EPRS1: variants seen among roughly 807,000 people sequenced by gnomAD.
EPRS1 encodes the protein bifunctional glutamate/proline--tRNA ligase.
In EPRS1, 107 loss-of-function variants were observed where a neutral mutation model predicts 188.3. The observed-to-expected ratio is 0.57, with a 90% CI of 0.49 to 0.67. EPRS1 has a LOEUF of 0.67. EPRS1 is among the 30% of genes least tolerant of loss of function. The pLI, the probability that EPRS1 is intolerant of heterozygous loss-of-function variation, is 0.00. For missense variants in EPRS1, 1,577 were observed against 1,802.2 expected, an observed-to-expected ratio of 0.88 and a Z score of 2.26; for synonymous variants, 596 against 593.1, an observed-to-expected ratio of 1.00 and a Z score of -0.07.
intron 6 of EPRS1, 89 bp from the exon 7 acceptor site, chr1:220,025,347 C>A: frequency 1.1e-6 from 1 of 934,174 alleles, no homozygotes; most frequent in Admixed American, 3.5e-5. Flanking sequence ...GAGAACTAAA[C>A]AAAAGTCCTT....
chr1:219,984,071 T>C, intron 21 of EPRS1, 135 bp downstream of exon 21: 2 of 654,030 alleles, frequency 3.1e-6, no homozygotes, highest in Non-Finnish European at 5.5e-6. Context: ...TCATGTTAAA[T>C]GACTACACTG....
chr1:220,025,210 G>C lies in EPRS1; in HGVS notation c.672C>G (p.Tyr224Ter), dbSNP rs1254327666. Residue 224 changes from tyrosine to a stop codon, truncating the protein, a stop_gained, in exon 7 of 32, where the codon TAC becomes TAG. Transcript: ENST00000366923. LOFTEE classifies it high-confidence loss of function. ...TCAGTTTCCCTTTAAAGTTAACCTG[G>C]TAGTGCTGGTTCAGAAGAGCAGCTT... Reference protein sequence around the residue: ...HAKAALLNQHYQVNFKGKLIM... With the variant: ...HAKAALLNQH 6.2e-7 allele frequency: 1 copy of C among 1,611,128 alleles called. No individual in the cohort carries two copies. Among genetic ancestry groups the C allele is most frequent in the South Asian group, 1.1e-5 (1 of 90,888 alleles).
At chr1:220,017,581 C>A (rs1403439298) in intron 12 of EPRS1, among the ~76,000 whole-genome samples, 3 of 152,098 alleles carry the variant, frequency 2.0e-5, no homozygotes, top group African/African-American at 4.8e-5. Context: ...AAGACACATG[C>A]GAAACAAGCA....
chr1:220,016,240 A>T (rs763430917), intron 12 of EPRS1, among the ~76,000 whole-genome samples: 1 of 151,666 alleles, frequency 6.6e-6, no homozygotes, highest in Non-Finnish European at 1.5e-5. Context: ...GCTACTCGGG[A>T]GGCTAAGGCA....
Position 219,983,233 on chromosome 1 carries a change from C to T in EPRS1, c.3256G>A (p.Ala1086Thr). The part of the protein sequence containing the change: ...CYFPMFVSQS[A>T]LEKEKTHVAD... Reference sequence around the variant, plus strand: ...ACATGAGTCTTCTCTTTCTCTAATGCACTTTGAGACACAAACATGGGGAAG... The same window carrying T: ...ACATGAGTCTTCTCTTTCTCTAATGTACTTTGAGACACAAACATGGGGAAG... Residue 1086 changes from alanine (A) to threonine (T), a missense_variant, in exon 22 of 32, where the codon GCA becomes ACA. Transcript: ENST00000366923. The T allele has an allele frequency of 6.2e-6, 10 of 1,614,086 alleles. No individual in the cohort carries two copies. The highest frequency in any genetic ancestry group is 8.5e-6 in the Non-Finnish European group (10 of 1,179,962).
intron 28 of EPRS1, among the ~76,000 whole-genome samples, chr1:219,976,339 A>G (rs1660779708): frequency 6.6e-6 from 1 of 152,214 alleles, no homozygotes. Context: ...TAATAACTAC[A>G]TGCAACACAT....
chr1:219,987,437 C>T (rs756520316), intron 19 of EPRS1, 33 bp from the exon 20 acceptor site: 8 of 1,536,094 alleles, frequency 5.2e-6, no homozygotes, highest in Middle Eastern at 1.8e-4. Context: ...AAAGAGAAGA[C>T]AGTATTTAAC....
chr1:219,997,300 T>C lies in EPRS1; in HGVS notation c.2224A>G (p.Asn742Asp). 6.2e-7 allele frequency: 1 copy of C among 1,612,164 alleles called. No homozygotes were observed. ...GAATCCTCAGATGTAGTACAATTAT[T>C]ATTCAGAGAAGGTGTTGGTCTTTCC... ...FKERPTPSLN[N>D]NCTTSEDSLV... is the part of the protein sequence containing the mutation. The change falls in exon 18 of 32, where the codon AAT becomes GAT. Residue 742 changes from asparagine to aspartate, a missense_variant. By Grantham distance (23) the Asn-to-Asp change is conservative (BLOSUM62 1). Coordinates refer to ENST00000366923, the MANE Select transcript of EPRS1 (RefSeq NM_004446.3).
chr1:219,977,750 G>A (rs1025240424), intron 28 of EPRS1, among the ~76,000 whole-genome samples: 3 of 152,140 alleles, frequency 2.0e-5, no homozygotes, highest in Non-Finnish European at 4.4e-5. Context: ...CAGGGGCAAT[G>A]TGAAACAAAT....
At chr1:220,027,205 A>T (rs1251068237) in intron 6 of EPRS1, among the ~76,000 whole-genome samples, 1 of 152,044 alleles carries the variant, frequency 6.6e-6, no homozygotes, top group Non-Finnish European at 1.5e-5. Context: ...CAGGTGGATC[A>T]CGAGGTCAGG....
chr1:219,973,402 TAA>T lies in EPRS1; in HGVS notation c.4084-6_4084-5del, dbSNP rs1660707110. The T allele has an allele frequency of 6.2e-7, 1 of 1,600,594 alleles. No individual in the cohort carries two copies. The highest frequency in any genetic ancestry group is 1.7e-5 in the Admixed American group (1 of 58,534). ...CTTCAAGTCTAATGGGAACTCCCTA[TAA>T]GATAAAAAAGGCAGTTAAAATGATA... On this transcript the variant is annotated splice_polypyrimidine_tract_variant and splice_region_variant and intron_variant, in intron 28 of 31. Coordinates refer to ENST00000366923, the MANE Select transcript of EPRS1 (RefSeq NM_004446.3).
Position 220,046,469 on chromosome 1 carries a change from G to A in EPRS1, c.-81C>T. 1 of 1,577,702 alleles carries A rather than the reference G, an allele frequency of 6.3e-7. No individual in the cohort carries two copies. Among genetic ancestry groups the A allele is most frequent in the Non-Finnish European group, 8.6e-7 (1 of 1,163,342 alleles). ...GAGGACCCCGCGAAAGGAAGAAGAT[G>A]CAACGTGTGCGCGTACCCGACGCCG... On this transcript the variant is annotated 5_prime_UTR_variant, in exon 1 of 32. Coordinates refer to ENST00000366923, the MANE Select transcript of EPRS1 (RefSeq NM_004446.3).
intron 30 of EPRS1, among the ~76,000 whole-genome samples, chr1:219,970,917 T>C (rs1026879933): frequency 6.6e-6 from 1 of 152,196 alleles, no homozygotes; most frequent in African/African-American, 2.4e-5. Context: ...GATTTTGATA[T>C]TATCTATTTT....
chr1:220,002,033 GA>G (rs554209692), intron 16 of EPRS1, among the ~76,000 whole-genome samples: 36 of 135,338 alleles, frequency 2.7e-4, no homozygotes, highest in Admixed American at 5.2e-4. Context: ...TGTCTCCAAA[GA>G]AAAAAAAAAA....
intron 9 of EPRS1, among the ~76,000 whole-genome samples, chr1:220,021,316 G>A (rs1661874227): frequency 6.6e-6 from 1 of 151,910 alleles, no homozygotes; most frequent in Admixed American, 6.6e-5. Flanking sequence ...AGTCTTCCAA[G>A]CAGCTAGAAC....
At chr1:220,034,458 G>C (rs1662139807) in intron 3 of EPRS1, among the ~76,000 whole-genome samples, 1 of 151,198 alleles carries the variant, frequency 6.6e-6, no homozygotes, top group South Asian at 2.1e-4. Flanking sequence ...GCACATGATT[G>C]TATATAAAGC....
Position 220,001,215 on chromosome 1 carries a change from T to C in EPRS1, c.2104A>G (p.Ile702Val). 1.2e-6 allele frequency: 2 copies of C among 1,614,020 alleles called. No homozygotes were observed. Among genetic ancestry groups the C allele is most frequent in the Admixed American group, 1.7e-5 (1 of 60,024 alleles). ...CKEAPCVLIY[I>V]PDGHTKEMPT... ...ATTTCCTTTGTGTGCCCATCAGGAATGTATATCAAAACACACGGGGCTTCC... is the reference window on the plus strand; with the variant it reads ...ATTTCCTTTGTGTGCCCATCAGGAACGTATATCAAAACACACGGGGCTTCC... Residue 702 changes from isoleucine (I) to valine (V), a missense_variant, in exon 17 of 32, where the codon ATT (isoleucine) becomes GTT (valine). Ile to Val is a conservative substitution (Grantham distance 29). Transcript: ENST00000366923.
At chr1:220,006,415 T>C in intron 14 of EPRS1, 102 bp from the exon 15 acceptor site, 1 of 339,076 alleles carries the variant, frequency 2.9e-6, no homozygotes, top group Admixed American at 4.9e-5. Flanking sequence ...AAATAATTTA[T>C]TGTTTTATTT....
rs1392490515 is a variant in EPRS1, at chr1:220,005,494, GAC to G, written c.1951-136_1951-135del. ...TATGTTAAAAAGTTCACTACTTGAG[GAC>G]ACACAATGAAACGGTGAAGTGTTAA... On this transcript the variant is annotated intron_variant, in intron 15 of 31. Coordinates refer to ENST00000366923, the MANE Select transcript of EPRS1 (RefSeq NM_004446.3). 8.1e-6 allele frequency: 4 copies of G among 495,234 alleles called. No individual in the cohort carries two copies. The Admixed American group carries it at 1.6e-4, about 20-fold the overall frequency. 30.7% of individuals were successfully genotyped at this position (495,234 alleles called of 1,614,324 possible).
Sources: gnomAD v4.1 joint callset for allele counts (sites outside exome capture counted in the v4.1 genomes callset) on GRCh38, gnomAD v4.1.1 for gene constraint, MANE v1.5 for transcripts, NCBI Gene and HGNC (gene_info 2026-07-23, HGNC 2026-07-21) for gene names.